The following LRP1B variants were observed in gnomAD, a reference collection of about 807,000 sequenced individuals.
The protein encoded by LRP1B is LDL receptor related protein 1B.
A neutral mutation model predicts 556.6 loss-of-function variants in LRP1B; 217 were observed. That is an observed-to-expected ratio of 0.39 (90% CI 0.35 to 0.44). The LOEUF (loss-of-function observed/expected upper bound fraction) is 0.44, where lower values mean the gene tolerates loss of function less well. Among genes scored for constraint, LRP1B ranks in the 20% least tolerant of loss-of-function variants. The pLI, the probability that LRP1B is intolerant of heterozygous loss-of-function variation, is 1.00. For missense variants in LRP1B, 5,053 were observed against 5,620.8 expected, an observed-to-expected ratio of 0.90 and a Z score of 3.23; for synonymous variants, 2,047 against 1,865.8, an observed-to-expected ratio of 1.10 and a Z score of -2.50.
At chr2:140,784,546 A>G (rs1438027031) in intron 32 of LRP1B, among the ~76,000 whole-genome samples, 1 of 151,962 alleles carries the variant, frequency 6.6e-6, no homozygotes, top group East Asian at 1.9e-4. Context: ...CAGATAATTA[A>G]AGAATGACTA....
At chr2:141,921,703 TAAATA>T (rs1432588823) in intron 1 of LRP1B, among the ~76,000 whole-genome samples, 3 of 152,070 alleles carry the variant, frequency 2.0e-5, no homozygotes, top group Non-Finnish European at 2.9e-5. Context: ...TCATCAATTA[TAAATA>T]AAATAATTTG....
rs528453162 is a variant in LRP1B at position 140,872,018 on chromosome 2, G to A, written c.4170-3755C>T. ...TGTGTCTATGTGTGTCTATTTGTGT[G>A]TGTGTGTGTGTTTGTATTTAAAAGT... is the stretch of plus-strand genomic sequence containing the variant. On this transcript the variant is annotated intron_variant, in intron 25 of 90. Coordinates refer to ENST00000389484, the MANE Select transcript of LRP1B (RefSeq NM_018557.3). 4.5e-4 allele frequency among the ~76,000 whole-genome samples: 66 copies of A among 146,902 alleles called. 1 individual carries two copies. In the South Asian group the frequency reaches 0.014, roughly 31 times the overall value.
chr2:142,059,128 T>C (rs1704796720), intron 1 of LRP1B, among the ~76,000 whole-genome samples: 1 of 152,130 alleles, frequency 6.6e-6, no homozygotes, highest in African/African-American at 2.4e-5. Context: ...AGTAGATTCC[T>C]GCTTGCCTAA....
chr2:141,172,252 A>G (rs1046327989), intron 7 of LRP1B, among the ~76,000 whole-genome samples: 1 of 152,054 alleles, frequency 6.6e-6, no homozygotes, highest in Non-Finnish European at 1.5e-5. Context: ...AGGATGCTCC[A>G]TGTAGTATTG....
At chr2:140,458,979 A>G (rs1687211737) in intron 60 of LRP1B, among the ~76,000 whole-genome samples, 3 of 152,154 alleles carry the variant, frequency 2.0e-5, no homozygotes, top group Middle Eastern at 7.4e-3. Flanking sequence ...ATCTAGCTAG[A>G]AATTCATCTC....
chr2:142,025,198 C>A (rs1703464796), intron 1 of LRP1B, among the ~76,000 whole-genome samples: 1 of 152,196 alleles, frequency 6.6e-6, no homozygotes, highest in African/African-American at 2.4e-5. Flanking sequence ...CACACTCAAT[C>A]AGTCAGCAGG....
At chr2:141,194,644 G>A (rs1380692175) in intron 6 of LRP1B, among the ~76,000 whole-genome samples, 1 of 152,130 alleles carries the variant, frequency 6.6e-6, no homozygotes, top group African/African-American at 2.4e-5. Context: ...GGCCACTAGT[G>A]TGATGACACC....
chr2:141,822,231 T>G (rs1264988270), intron 1 of LRP1B, among the ~76,000 whole-genome samples: 1 of 151,620 alleles, frequency 6.6e-6, no homozygotes, highest in Non-Finnish European at 1.5e-5. Context: ...GCTGACACAT[T>G]CAACACGGTT....
intron 21 of LRP1B, among the ~76,000 whole-genome samples, chr2:140,920,095 G>C (rs1195590729): frequency 1.3e-5 from 2 of 151,852 alleles, no homozygotes; most frequent in Non-Finnish European, 2.9e-5. Flanking sequence ...GGTACCTTGC[G>C]ATCACTATGA....
At chr2:140,415,956 G>A (rs1685180414) in intron 66 of LRP1B, among the ~76,000 whole-genome samples, 2 of 152,206 alleles carry the variant, frequency 1.3e-5, no homozygotes, top group African/African-American at 4.8e-5. Context: ...ATGGATTCCT[G>A]TGCAATACAT....
intron 60 of LRP1B, among the ~76,000 whole-genome samples, chr2:140,465,114 G>A (rs1268225941): frequency 6.6e-6 from 1 of 152,088 alleles, no homozygotes; most frequent in South Asian, 2.1e-4. Context: ...CTAGGGAGGC[G>A]TCAAGAAACT....
intron 3 of LRP1B, among the ~76,000 whole-genome samples, chr2:141,441,925 C>T (rs1337526529): frequency 6.6e-6 from 1 of 152,142 alleles, no homozygotes; most frequent in Non-Finnish European, 1.5e-5. Flanking sequence ...GACATTCAAT[C>T]TATAAATTTT....
chr2:140,705,044 A>G (rs1473649852), intron 37 of LRP1B, among the ~76,000 whole-genome samples: 1 of 152,136 alleles, frequency 6.6e-6, no homozygotes, highest in Non-Finnish European at 1.5e-5. Flanking sequence ...TCCACAGTCC[A>G]CATGGCCAAT....
chr2:140,415,722 A>G lies in LRP1B; in HGVS notation c.10414+26782T>C, dbSNP rs572848312. ...AAGCCTGGCCTGAGTTCTGAACAGG[A>G]GCAGACATCCTGCCTGTGTCCATGT... is the stretch of plus-strand genomic sequence containing the variant. On this transcript the variant is annotated intron_variant, in intron 66 of 90. Coordinates refer to ENST00000389484, the MANE Select transcript of LRP1B (RefSeq NM_018557.3). Among the ~76,000 whole-genome samples, 196 of 152,142 alleles carry G rather than the reference A, an allele frequency of 1.3e-3. 1 individual carries two copies. Among genetic ancestry groups the G allele is most frequent in the Non-Finnish European group, 2.5e-3 (170 of 68,036 alleles).
At chr2:140,595,096 A>ATATATATC (rs1682382167) in intron 43 of LRP1B, among the ~76,000 whole-genome samples, 4 of 46,228 alleles carry the variant, frequency 8.7e-5, no homozygotes, top group Admixed American at 2.2e-4. Flanking sequence ...GAATATATAT[A>ATATATATC]TATATATATA....
intron 3 of LRP1B, among the ~76,000 whole-genome samples, chr2:141,266,471 G>A (rs138916634): frequency 1.8e-3 from 266 of 151,760 alleles, no homozygotes; most frequent in African/African-American, 6.0e-3. Flanking sequence ...TCTGATGTAT[G>A]CCACTAGGTA....
chr2:141,566,318 C>T (rs550168456), intron 2 of LRP1B, among the ~76,000 whole-genome samples: 48 of 152,196 alleles, frequency 3.2e-4, no homozygotes, highest in African/African-American at 1.1e-3. Context: ...ATGTAACTTT[C>T]ACTTATAGTA....
chr2:142,039,478 G>GA (rs978337582), intron 1 of LRP1B, among the ~76,000 whole-genome samples: 3 of 150,944 alleles, frequency 2.0e-5, no homozygotes, highest in African/African-American at 4.8e-5. Flanking sequence ...TCCGAAAACA[G>GA]AAAAAAACAG....
intron 3 of LRP1B, among the ~76,000 whole-genome samples, chr2:141,371,343 G>A (rs536807852): frequency 6.6e-6 from 1 of 152,088 alleles, no homozygotes; most frequent in Non-Finnish European, 1.5e-5. Flanking sequence ...GATTAGGGTT[G>A]TTTGGCTATT....
Sources: gnomAD v4.1 joint callset for allele counts (sites outside exome capture counted in the v4.1 genomes callset) on GRCh38, gnomAD v4.1.1 for gene constraint, MANE v1.5 for transcripts, NCBI Gene and HGNC (gene_info 2026-07-23, HGNC 2026-07-21) for gene names.